The following GDAP1 variants were observed in gnomAD, a reference collection of about 807,000 sequenced individuals.
GDAP1 encodes the protein ganglioside-induced differentiation-associated protein 1.
GDAP1 carries 34 observed loss-of-function variants against 40.1 expected under a neutral mutation model. The observed-to-expected ratio is 0.85, with a 90% CI of 0.64 to 1.13. The LOEUF is 1.13. GDAP1 is among the 50% of genes most tolerant of loss of function. The pLI, the probability that GDAP1 is intolerant of heterozygous loss-of-function variation, is 0.00. For synonymous variants in GDAP1, 170 were observed against 157.4 expected (o/e 1.08, Z -0.60); for missense variants, 374 against 433.7 (o/e 0.86, Z 1.22).
chr8:74,402,268 C>T (rs921833379), intron 2 of GDAP1, among the ~76,000 whole-genome samples: 1 of 150,496 alleles, frequency 6.6e-6, no homozygotes, highest in Non-Finnish European at 1.5e-5. Flanking sequence ...GCGGGCGCCC[C>T]TCCCCCAGCC....
At chr8:74,376,347 CTTTTTTTTTT>C (rs374478811) in intron 2 of GDAP1, among the ~76,000 whole-genome samples, 2 of 126,998 alleles carry the variant, frequency 1.6e-5, no homozygotes, top group Admixed American at 8.5e-5. Flanking sequence ...TTAGAGGGAT[CTTTTTTTTTT>C]TTTTTTTTTG....
At chr8:74,469,186 A>G (rs1014780430) in intron 2 of GDAP1, among the ~76,000 whole-genome samples, 3 of 152,120 alleles carry the variant, frequency 2.0e-5, no homozygotes, top group Admixed American at 2.0e-4. Context: ...ACACATAGGT[A>G]TTTTTATTAT....
At chr8:74,412,580 A>C (rs1805727872) in intron 2 of GDAP1, among the ~76,000 whole-genome samples, 1 of 150,240 alleles carries the variant, frequency 6.7e-6, no homozygotes. Flanking sequence ...AAGTTAGTAG[A>C]ATAATAGACG....
intron 2 of GDAP1, among the ~76,000 whole-genome samples, chr8:74,435,838 A>C (rs1162693985): frequency 6.6e-6 from 1 of 152,198 alleles, no homozygotes; most frequent in Non-Finnish European, 1.5e-5. Flanking sequence ...TATTGTAGTC[A>C]GCAAATATTT....
At position 74,459,292 on chromosome 8, in the gene GDAP1, A is replaced by C. The variant is rs186139845; in HGVS notation, c.166-29386A>C. ...TAATGGAAATAATGAGGAGAATGAG[A>C]CCTAGAGAAAGGGAGCTGGCAGGAT... On this transcript the variant is annotated intron_variant, in intron 2 of 2. Transcript: ENST00000523640. Among the ~76,000 whole-genome samples the C allele has an allele frequency of 8.5e-3, 1,298 of 152,330 alleles. 14 individuals carry two copies. The highest frequency in any genetic ancestry group is 0.029 in the African/African-American group (1,212 of 41,568).
intron 2 of GDAP1, among the ~76,000 whole-genome samples, chr8:74,470,881 G>C (rs1458651205): frequency 6.6e-6 from 1 of 152,198 alleles, no homozygotes; most frequent in Non-Finnish European, 1.5e-5. Context: ...CAGTGTAAAA[G>C]TGTTCCTGTT....
chr8:74,465,356 C>G (rs1224913687), intron 2 of GDAP1, among the ~76,000 whole-genome samples: 1 of 152,142 alleles, frequency 6.6e-6, no homozygotes, highest in Non-Finnish European at 1.5e-5. Context: ...ATTCTTGATA[C>G]ACCTGCTTCC....
chr8:74,365,588 C>T lies in GDAP1; in HGVS notation c.*1221C>T. On this transcript the variant is annotated 3_prime_UTR_variant, in exon 6 of 6. Coordinates refer to ENST00000220822, the MANE Select transcript of GDAP1 (RefSeq NM_018972.4). Reference sequence around the variant, plus strand: ...TTTCTGGTGTCTGGTGGGTAGCAGGCATAGAGATGATGTGCCGAGGTCCCA... The same window carrying T: ...TTTCTGGTGTCTGGTGGGTAGCAGGTATAGAGATGATGTGCCGAGGTCCCA... The T allele has an allele frequency of 2.2e-6, 1 of 454,240 alleles. No homozygotes were observed. 28.1% of individuals were successfully genotyped at this position (454,240 alleles called of 1,614,324 possible).
intron 2 of GDAP1, among the ~76,000 whole-genome samples, chr8:74,420,832 A>C (rs559895241): frequency 6.6e-6 from 1 of 152,002 alleles, no homozygotes; most frequent in African/African-American, 2.4e-5. Context: ...ATGTTTCAGC[A>C]ATCTAGTGGT....
intron 2 of GDAP1, among the ~76,000 whole-genome samples, chr8:74,399,407 A>C (rs1428358505): frequency 6.7e-6 from 1 of 149,486 alleles, no homozygotes; most frequent in African/African-American, 2.6e-5. Context: ...CCCCTTTATC[A>C]TTTTTTATTG....
At chr8:74,362,780 C>CTTT (rs1423789879) in intron 4 of GDAP1, among the ~76,000 whole-genome samples, 159 bp from the exon 5 acceptor site, 5 of 34,986 alleles carry the variant, frequency 1.4e-4, no homozygotes, top group African/African-American at 3.4e-4. Context: ...AGCTCTCTCT[C>CTTT]TCTCTTTTTT....
intron 2 of GDAP1, among the ~76,000 whole-genome samples, chr8:74,422,323 TTCTTTCTTTCTTTCTTTCTTTCTTTCTTC>T (rs1156887177): frequency 0.013 from 755 of 60,334 alleles, 9 homozygotes; most frequent in African/African-American, 0.034. Context: ...CTTTCTTTCT[TTCTTTCTTTCTTTCTTTCTTTCTTTCTTC>T]CCTTCCTTCC....
chr8:74,402,011 CCA>C (rs1810351089), intron 2 of GDAP1, among the ~76,000 whole-genome samples: 1 of 150,206 alleles, frequency 6.7e-6, no homozygotes, highest in Admixed American at 6.6e-5. Context: ...GGTCAGGGAC[CCA>C]CTTGAGGAGG....
At chr8:74,389,447 C>T (rs928416642) in intron 2 of GDAP1, among the ~76,000 whole-genome samples, 1 of 152,116 alleles carries the variant, frequency 6.6e-6, no homozygotes, top group Non-Finnish European at 1.5e-5. Context: ...CTTAATTAGG[C>T]TGGATATGAA....
intron 2 of GDAP1, among the ~76,000 whole-genome samples, chr8:74,402,925 C>T (rs1403009030): frequency 6.7e-6 from 1 of 149,476 alleles, no homozygotes; most frequent in Non-Finnish European, 1.5e-5. Context: ...TTGAGTTGTT[C>T]TAAGTAAAGA....
chr8:74,450,259 A>G (rs1352445583), intron 2 of GDAP1, among the ~76,000 whole-genome samples: 1 of 151,812 alleles, frequency 6.6e-6, no homozygotes, highest in East Asian at 1.9e-4. Flanking sequence ...ATTACCTAAG[A>G]TATAGTCCAT....
chr8:74,383,908 G>C (rs909492645), intron 2 of GDAP1, among the ~76,000 whole-genome samples: 14 of 152,052 alleles, frequency 9.2e-5, no homozygotes, highest in African/African-American at 3.4e-4. Context: ...CCTGCATCTT[G>C]GTGGTTGTAG....
intron 2 of GDAP1, among the ~76,000 whole-genome samples, chr8:74,405,043 TAAG>T (rs1805619343): frequency 6.7e-6 from 1 of 150,102 alleles, no homozygotes; most frequent in Admixed American, 6.6e-5. Context: ...AAGATATACC[TAAG>T]ACTGGATAAT....
chr8:74,418,217 T>C (rs1805809320), intron 2 of GDAP1, among the ~76,000 whole-genome samples: 1 of 152,192 alleles, frequency 6.6e-6, no homozygotes, highest in Non-Finnish European at 1.5e-5. Flanking sequence ...GCAAAAGAAC[T>C]ACAATAGCCA....
Sources: allele counts gnomAD v4.1 joint callset (sites outside exome capture counted in the v4.1 genomes callset), GRCh38; gene constraint gnomAD v4.1.1; transcripts MANE v1.5; gene names NCBI Gene and HGNC (gene_info 2026-07-23, HGNC 2026-07-21).